STK32B: variants seen among roughly 807,000 people sequenced by gnomAD.
STK32B encodes serine/threonine-protein kinase 32B.
Under a neutral mutation model 52.6 loss-of-function variants are expected in STK32B, and 43 were observed. The observed-to-expected ratio is 0.82, with a 90% CI of 0.64 to 1.05. STK32B has a LOEUF of 1.05. STK32B is among the 50% of genes least tolerant of loss of function. STK32B has a pLI of 0.00. For synonymous variants in STK32B, 238 were observed against 204.3 expected, an observed-to-expected ratio of 1.17 and a Z score of -1.41; for missense variants, 621 against 534.6, an observed-to-expected ratio of 1.16 and a Z score of -1.59.
chr4:5,183,488 AAAAATT>A (rs1240998668), intron 3 of STK32B, among the ~76,000 whole-genome samples: 1 of 152,052 alleles, frequency 6.6e-6, no homozygotes. Flanking sequence ...AAAAAAAAAA[AAAAATT>A]AAATTAAAAA....
rs1736268947 is a variant in STK32B at position 5,386,561 on chromosome 4, G to A, written c.435-11646G>A. 6.6e-6 allele frequency among the ~76,000 whole-genome samples: 1 copy of A among 152,182 alleles called. No individual in the cohort carries two copies. The highest frequency in any genetic ancestry group is 2.4e-5 in the African/African-American group (1 of 41,446). On this transcript the variant is annotated intron_variant, in intron 4 of 11. Coordinates refer to ENST00000282908, the MANE Select transcript of STK32B (RefSeq NM_018401.3). The surrounding 1 kb of genome is among the most constrained non-coding windows in gnomAD (Gnocchi z 4.5). ...CTCATTGTCTTCATCTGTAAGGAGAGGGAGAAACACAATTATTTCTTAGAT... is the reference window on the plus strand; with the variant it reads ...CTCATTGTCTTCATCTGTAAGGAGAAGGAGAAACACAATTATTTCTTAGAT...
At chr4:5,204,914 G>T (rs556077094) in intron 3 of STK32B, among the ~76,000 whole-genome samples, 1 of 152,300 alleles carries the variant, frequency 6.6e-6, no homozygotes, top group East Asian at 1.9e-4. Context: ...TCTACAGATT[G>T]CTGCAATAGC....
intron 11 of STK32B, among the ~76,000 whole-genome samples, chr4:5,486,220 C>T (rs184726255): frequency 2.2e-4 from 34 of 152,292 alleles, no homozygotes; most frequent in Middle Eastern, 3.4e-3. Context: ...CTCCTTGAGC[C>T]GTAGTGGGCT....
At chr4:5,172,878 G>A (rs1044447934) in intron 3 of STK32B, among the ~76,000 whole-genome samples, 1 of 152,166 alleles carries the variant, frequency 6.6e-6, no homozygotes, top group Non-Finnish European at 1.5e-5. Context: ...AGTTTCAGAA[G>A]GAATGGTACC....
At chr4:5,043,634 T>C in the STK32B span, among the ~76,000 whole-genome samples, 1 of 152,218 alleles carries the variant, frequency 6.6e-6, no homozygotes, top group Non-Finnish European at 1.5e-5. Context: ...TCCCAGACCA[T>C]GGCTACTTCC....
intron 1 of STK32B, among the ~76,000 whole-genome samples, chr4:5,090,872 A>G (rs559746792): frequency 3.9e-5 from 6 of 152,198 alleles, no homozygotes; most frequent in Non-Finnish European, 8.8e-5. Flanking sequence ...CTATTGGTCT[A>G]TATGAAATGG....
chr4:5,422,007 A>G (rs922154141), intron 6 of STK32B, among the ~76,000 whole-genome samples: 2 of 152,182 alleles, frequency 1.3e-5, no homozygotes. Context: ...CTGAATTATA[A>G]AGACGACTTT....
At chr4:5,089,835 T>C (rs74671451) in intron 1 of STK32B, among the ~76,000 whole-genome samples, 1 of 152,186 alleles carries the variant, frequency 6.6e-6, no homozygotes, top group East Asian at 1.9e-4. Flanking sequence ...GTAAAAGCGT[T>C]CGTATTTCTC....
intron 4 of STK32B, among the ~76,000 whole-genome samples, chr4:5,352,583 A>G (rs1733895712): frequency 6.6e-6 from 1 of 151,548 alleles, no homozygotes; most frequent in Non-Finnish European, 1.5e-5. Context: ...AGTACTGAAA[A>G]TCATGACCAA....
intron 11 of STK32B, among the ~76,000 whole-genome samples, chr4:5,496,697 C>T (rs1453020900): frequency 6.6e-6 from 1 of 152,070 alleles, no homozygotes; most frequent in Non-Finnish European, 1.5e-5. Flanking sequence ...CATCTTGGCC[C>T]CAGGCCCATT....
chr4:5,464,255 A>C lies in STK32B; in HGVS notation c.910-2448A>C, dbSNP rs59493885. ...CCCCACCTCCCAAACTGGGAATTAC[A>C]TCTCAACATGAGATTTGCAGGGGAC... On this transcript the variant is annotated intron_variant, in intron 9 of 11. Coordinates refer to ENST00000282908, the MANE Select transcript of STK32B (RefSeq NM_018401.3). 3.7e-3 allele frequency among the ~76,000 whole-genome samples: 569 copies of C among 152,342 alleles called. 4 individuals are homozygous for C. The highest frequency in any genetic ancestry group is 0.013 in the African/African-American group (543 of 41,586).
intron 3 of STK32B, among the ~76,000 whole-genome samples, chr4:5,326,895 C>T (rs1185783267): frequency 6.6e-6 from 1 of 152,114 alleles, no homozygotes; most frequent in Non-Finnish European, 1.5e-5. Flanking sequence ...AGCATTTTGC[C>T]CACAGTAGAA....
chr4:5,287,355 C>T (rs1007432871), intron 3 of STK32B, among the ~76,000 whole-genome samples: 3 of 151,914 alleles, frequency 2.0e-5, no homozygotes, highest in Admixed American at 6.6e-5. Flanking sequence ...ACTTCTCTGA[C>T]GTCTAATGAG....
At chr4:5,449,570 C>G (rs1715789531) in intron 7 of STK32B, among the ~76,000 whole-genome samples, 2 of 152,204 alleles carry the variant, frequency 1.3e-5, no homozygotes, top group Admixed American at 1.3e-4. Flanking sequence ...GGTTCTCCAA[C>G]CCCTGGGGCT....
rs569853492 is a variant in STK32B at position 5,424,288 on chromosome 4, T to C, written c.562+7354T>C. Among the ~76,000 whole-genome samples the C allele has an allele frequency of 3.9e-5, 6 of 152,212 alleles. No homozygotes were observed. In the East Asian group the frequency reaches 7.8e-4, roughly 20 times the overall value. ...CAAACAGCCTGGCCCCCATGAACAG[T>C]GGCAGGAGGCAGACAGGCTACTAGG... On this transcript the variant is annotated intron_variant, in intron 6 of 11. Coordinates refer to ENST00000282908, the MANE Select transcript of STK32B (RefSeq NM_018401.3).
At chr4:5,093,490 C>G (rs977414429) in intron 1 of STK32B, among the ~76,000 whole-genome samples, 2 of 151,884 alleles carry the variant, frequency 1.3e-5, no homozygotes, top group Non-Finnish European at 2.9e-5. Context: ...CATGTTCTCA[C>G]TCATAGGTGG....
chr4:5,213,540 C>T (rs1230240009), intron 3 of STK32B, among the ~76,000 whole-genome samples: 1 of 152,206 alleles, frequency 6.6e-6, no homozygotes, highest in Non-Finnish European at 1.5e-5. Context: ...CAATCTATCA[C>T]GTTTATTACT....
chr4:5,486,720 C>G (rs1271429184), intron 11 of STK32B, among the ~76,000 whole-genome samples: 1 of 152,182 alleles, frequency 6.6e-6, no homozygotes, highest in Non-Finnish European at 1.5e-5. Context: ...GGAGCAGTTC[C>G]TATTTAGGGG....
At chr4:5,250,310 C>CTTT (rs143911318) in intron 3 of STK32B, among the ~76,000 whole-genome samples, 30 of 119,236 alleles carry the variant, frequency 2.5e-4, no homozygotes, top group African/African-American at 4.4e-4. Flanking sequence ...GTTTTAAGTT[C>CTTT]TTTTTTTTTT....
Sources: gnomAD v4.1 joint callset for allele counts (sites outside exome capture counted in the v4.1 genomes callset) on GRCh38, gnomAD v4.1.1 for gene constraint, Gnocchi (gnomAD v3.1) non-coding constraint, MANE v1.5 for transcripts, NCBI Gene and HGNC (gene_info 2026-07-23, HGNC 2026-07-21) for gene names.